Variants in DLG2 observed in about 807,000 individuals in gnomAD.
The protein encoded by DLG2 is disks large homolog 2.
A neutral mutation model predicts 132.5 loss-of-function variants in DLG2; 45 were observed. That is an observed-to-expected ratio of 0.34 (90% CI 0.27 to 0.44). DLG2 has a LOEUF of 0.44. Among genes scored for constraint, DLG2 ranks in the 20% least tolerant of loss-of-function variants. The probability of loss-of-function intolerance (pLI) is 1.00; values close to 1 mark genes in which losing one functional copy is unlikely to be tolerated. For missense variants in DLG2, 1,045 were observed against 1,196.9 expected, an observed-to-expected ratio of 0.87 and a Z score of 1.87; for synonymous variants, 424 against 419.6, an observed-to-expected ratio of 1.01 and a Z score of -0.13.
intron 15 of DLG2, among the ~76,000 whole-genome samples, chr11:83,878,735 G>T (rs941643224): frequency 6.6e-6 from 1 of 152,138 alleles, no homozygotes; most frequent in Non-Finnish European, 1.5e-5. Flanking sequence ...TAGTGGGTGG[G>T]TAGAATGAGC....
intron 6 of DLG2, among the ~76,000 whole-genome samples, chr11:84,778,557 A>G (rs2071119218): frequency 6.6e-6 from 1 of 152,190 alleles, no homozygotes; most frequent in Non-Finnish European, 1.5e-5. Flanking sequence ...TCATGTTAAC[A>G]ATATTAATTC....
chr11:84,712,882 T>A (rs1488234589), intron 6 of DLG2, among the ~76,000 whole-genome samples: 1 of 152,124 alleles, frequency 6.6e-6, no homozygotes, highest in African/African-American at 2.4e-5. Context: ...AAGAATAACA[T>A]TGAGTTCGAA....
At chr11:84,661,654 C>T (rs1418505327) in intron 6 of DLG2, among the ~76,000 whole-genome samples, 1 of 152,104 alleles carries the variant, frequency 6.6e-6, no homozygotes, top group African/African-American at 2.4e-5. Flanking sequence ...TGATCTGTCT[C>T]TTTGAGTTCC....
intron 6 of DLG2, among the ~76,000 whole-genome samples, chr11:85,024,629 T>C (rs1214444781): frequency 6.6e-6 from 1 of 152,190 alleles, no homozygotes; most frequent in African/African-American, 2.4e-5. Context: ...GAAAAAATAG[T>C]GCCAGTTGTT....
At chr11:84,618,402 A>C (rs2099608245) in intron 6 of DLG2, among the ~76,000 whole-genome samples, 1 of 152,098 alleles carries the variant, frequency 6.6e-6, no homozygotes, top group African/African-American at 2.4e-5. Context: ...AATGGTTTTA[A>C]TACATTCTAA....
chr11:85,015,399 A>G (rs1388831171), intron 6 of DLG2, among the ~76,000 whole-genome samples: 1 of 132,020 alleles, frequency 7.6e-6, no homozygotes, highest in Non-Finnish European at 1.6e-5. Context: ...GTAGGAGATT[A>G]GCCAGTGTTA....
intron 6 of DLG2, among the ~76,000 whole-genome samples, chr11:84,600,461 A>G (rs1407347218): frequency 6.6e-6 from 1 of 152,150 alleles, no homozygotes; most frequent in Admixed American, 6.5e-5. Context: ...TCTCTCCACA[A>G]TACTGTGGGG....
chr11:84,384,712 C>T (rs1207444968), intron 7 of DLG2, among the ~76,000 whole-genome samples: 2 of 151,914 alleles, frequency 1.3e-5, no homozygotes, highest in African/African-American at 4.8e-5. Flanking sequence ...CTCACGAACC[C>T]TACATATTCC....
intron 9 of DLG2, among the ~76,000 whole-genome samples, chr11:84,161,701 A>C (rs2095549653): frequency 6.6e-6 from 1 of 152,192 alleles, no homozygotes; most frequent in African/African-American, 2.4e-5. Flanking sequence ...ATAAGGAAAA[A>C]GGAGAAGGCT....
At chr11:84,926,814 A>C (rs1566418591) in intron 6 of DLG2, among the ~76,000 whole-genome samples, 1 of 152,066 alleles carries the variant, frequency 6.6e-6, no homozygotes, top group Non-Finnish European at 1.5e-5. Flanking sequence ...ATTGCACTCC[A>C]TGAGCAAAAG....
intron 6 of DLG2, among the ~76,000 whole-genome samples, chr11:84,622,164 C>T (rs78257468): frequency 1.4e-3 from 212 of 152,102 alleles, no homozygotes; most frequent in African/African-American, 5.0e-3. Flanking sequence ...CTTTGGGAAA[C>T]CTAGCATGAT....
At chr11:84,210,717 AC>A (rs1436596748) in intron 8 of DLG2, among the ~76,000 whole-genome samples, 1 of 152,136 alleles carries the variant, frequency 6.6e-6, no homozygotes, top group Non-Finnish European at 1.5e-5. Context: ...ATCTTAAAAA[AC>A]ATGTTGAGTG....
intron 10 of DLG2, among the ~76,000 whole-genome samples, chr11:84,095,550 A>G (rs775165833): frequency 6.6e-6 from 1 of 152,186 alleles, no homozygotes; most frequent in Non-Finnish European, 1.5e-5. Context: ...TCACACTGAG[A>G]AAAGACTTAG....
intron 11 of DLG2, among the ~76,000 whole-genome samples, chr11:83,994,906 T>C (rs1263046958): frequency 2.6e-5 from 4 of 152,024 alleles, no homozygotes; most frequent in Non-Finnish European, 5.9e-5. Flanking sequence ...CCTTATCTCA[T>C]AGATGCATCA....
chr11:84,877,985 G>A (rs2086660179), intron 6 of DLG2, among the ~76,000 whole-genome samples: 1 of 152,160 alleles, frequency 6.6e-6, no homozygotes, highest in Non-Finnish European at 1.5e-5. Context: ...CTGGTCATTA[G>A]AGAAATGCAA....
chr11:84,375,091 C>T (rs767569049), intron 7 of DLG2, among the ~76,000 whole-genome samples: 3 of 152,132 alleles, frequency 2.0e-5, no homozygotes, highest in Non-Finnish European at 2.9e-5. Flanking sequence ...AAAAAGCTGT[C>T]TCCAAAGCAA....
At chr11:84,027,131 A>T (rs2095557561) in intron 11 of DLG2, among the ~76,000 whole-genome samples, 1 of 152,046 alleles carries the variant, frequency 6.6e-6, no homozygotes, top group African/African-American at 2.4e-5. Flanking sequence ...TAGAACTACT[A>T]CTCAAAATTA....
At chr11:83,606,048 G>C (rs988507996) in intron 19 of DLG2, among the ~76,000 whole-genome samples, 3 of 152,180 alleles carry the variant, frequency 2.0e-5, no homozygotes, top group Admixed American at 6.5e-5. Context: ...TCATTCCACA[G>C]AGTCATCGGT....
At chr11:83,836,898 T>TC (rs1475783171) in intron 16 of DLG2, among the ~76,000 whole-genome samples, 1 of 152,060 alleles carries the variant, frequency 6.6e-6, no homozygotes, top group Non-Finnish European at 1.5e-5. Flanking sequence ...GCAGTTCAGC[T>TC]CCCCCTTGAT....
Sources: allele counts gnomAD v4.1 joint callset (sites outside exome capture counted in the v4.1 genomes callset), GRCh38; gene constraint gnomAD v4.1.1; transcripts MANE v1.5; gene names NCBI Gene and HGNC (gene_info 2026-07-23, HGNC 2026-07-21).